ADARB2: variants seen among roughly 807,000 people sequenced by gnomAD.
ADARB2 encodes the protein adenosine deaminase RNA specific B2 (inactive).
In ADARB2, 25 loss-of-function variants were observed where a neutral mutation model predicts 62.2. The observed-to-expected ratio is 0.40, with a 90% CI of 0.29 to 0.56. The LOEUF is 0.56. ADARB2 is among the 20% of genes least tolerant of loss of function. ADARB2 has a pLI of 0.43. For synonymous variants in ADARB2, 572 were observed against 500.8 expected, an observed-to-expected ratio of 1.14 and a Z score of -1.90; for missense variants, 1,071 against 1,077.4, an observed-to-expected ratio of 0.99 and a Z score of 0.08.
chr10:1,413,929 A>G (rs1165105754), intron 1 of ADARB2, among the ~76,000 whole-genome samples: 2 of 152,208 alleles, frequency 1.3e-5, no homozygotes, highest in Non-Finnish European at 2.9e-5. Context: ...TTGTCTTGCA[A>G]TTGCAGGTCT....
chr10:1,564,454 A>G (rs1588304490), intron 1 of ADARB2, among the ~76,000 whole-genome samples: 2 of 152,318 alleles, frequency 1.3e-5, no homozygotes, highest in Admixed American at 1.3e-4. Context: ...AAAAGAAACT[A>G]CCATCAGAGT....
At chr10:1,423,075 C>A (rs1026959404) in intron 1 of ADARB2, among the ~76,000 whole-genome samples, 2 of 152,204 alleles carry the variant, frequency 1.3e-5, no homozygotes, top group African/African-American at 4.8e-5. Flanking sequence ...GCTTACATCA[C>A]TGAAGGGGAC....
intron 8 of ADARB2, among the ~76,000 whole-genome samples, chr10:1,189,664 A>G (rs570562945): frequency 1.3e-5 from 2 of 152,048 alleles, no homozygotes; most frequent in South Asian, 4.2e-4. Flanking sequence ...GGCCTGTCCC[A>G]CCCTGTTCCT....
rs368047792 is a variant in ADARB2, at chr10:1,598,144, G to A, written c.100+138907C>T. Among the ~76,000 whole-genome samples the A allele has an allele frequency of 1.1e-4, 17 of 152,330 alleles. No homozygotes were observed. The South Asian group carries it at 2.7e-3, about 24-fold the overall frequency. On this transcript the variant is annotated intron_variant, in intron 1 of 9. Coordinates refer to ENST00000381312, the MANE Select transcript of ADARB2 (RefSeq NM_018702.4). Reference sequence around the variant, plus strand: ...AGGCAGAGGGCAGAGGTGGGGGCATGAGCTGAAATGTCACCTGCTGGGTGC... The same window carrying A: ...AGGCAGAGGGCAGAGGTGGGGGCATAAGCTGAAATGTCACCTGCTGGGTGC...
intron 1 of ADARB2, among the ~76,000 whole-genome samples, chr10:1,493,793 C>G (rs1207096924): frequency 9.0e-6 from 1 of 111,154 alleles, no homozygotes; most frequent in Non-Finnish European, 1.7e-5. Context: ...GGGTCTCGCT[C>G]TTTCACCCAG....
chr10:1,259,617 G>C (rs1310782999), intron 4 of ADARB2, among the ~76,000 whole-genome samples: 4 of 152,162 alleles, frequency 2.6e-5, no homozygotes, highest in Non-Finnish European at 5.9e-5. Context: ...TTGAATCTCT[G>C]AATAGACCAA....
At chr10:1,613,983 T>C (rs1293297410) in intron 1 of ADARB2, among the ~76,000 whole-genome samples, 2 of 152,226 alleles carry the variant, frequency 1.3e-5, no homozygotes, top group Non-Finnish European at 2.9e-5. Context: ...AATAACTTTG[T>C]TTGACTTGGT....
At chr10:1,545,582 G>A (rs1486981287) in intron 1 of ADARB2, among the ~76,000 whole-genome samples, 1 of 152,176 alleles carries the variant, frequency 6.6e-6, no homozygotes, top group Non-Finnish European at 1.5e-5. Flanking sequence ...TAAGGAAGAT[G>A]GCCTCGGTTA....
intron 7 of ADARB2, among the ~76,000 whole-genome samples, chr10:1,213,944 T>C (rs1021608054): frequency 1.3e-5 from 2 of 150,990 alleles, no homozygotes; most frequent in Non-Finnish European, 2.9e-5. Context: ...CCTGCTGGCA[T>C]CGCGTGGGTT....
At chr10:1,610,143 A>C (rs976220792) in intron 1 of ADARB2, among the ~76,000 whole-genome samples, 1 of 152,086 alleles carries the variant, frequency 6.6e-6, no homozygotes, top group African/African-American at 2.4e-5. Flanking sequence ...CACAGTGATA[A>C]ATGCTCCTAG....
At chr10:1,393,997 C>T (rs770471739) in intron 1 of ADARB2, among the ~76,000 whole-genome samples, 4 of 152,302 alleles carry the variant, frequency 2.6e-5, no homozygotes, top group Non-Finnish European at 5.9e-5. Flanking sequence ...ACATCATCCT[C>T]GTCCTTTCAG....
At chr10:1,637,965 G>A (rs2119053404) in intron 1 of ADARB2, among the ~76,000 whole-genome samples, 1 of 152,350 alleles carries the variant, frequency 6.6e-6, no homozygotes. Flanking sequence ...AGAATGAACA[G>A]TTGGAGCTGC....
At chr10:1,525,160 C>G (rs2676736) in intron 1 of ADARB2, among the ~76,000 whole-genome samples, 2,469 of 152,220 alleles carry the variant, frequency 0.016, 99 homozygotes, top group East Asian at 0.12. Context: ...AAAAAAAGGT[C>G]AGGTACCTGA....
chr10:1,498,439 A>G (rs1831720842), intron 1 of ADARB2, among the ~76,000 whole-genome samples: 1 of 152,024 alleles, frequency 6.6e-6, no homozygotes, highest in African/African-American at 2.4e-5. Flanking sequence ...AGGAAAAGAA[A>G]AGAAAACTAT....
chr10:1,195,424 G>A (rs914283376), intron 8 of ADARB2, among the ~76,000 whole-genome samples: 7 of 144,544 alleles, frequency 4.8e-5, no homozygotes, highest in Non-Finnish European at 1.0e-4. Context: ...TAAGATAAGG[G>A]TCTTTAGTCC....
rs557944603 is a variant in ADARB2 at position 1,351,775 on chromosome 10, T to C, written c.1077+11253A>G. On this transcript the variant is annotated intron_variant, in intron 3 of 9. Coordinates refer to ENST00000381312, the MANE Select transcript of ADARB2 (RefSeq NM_018702.4). ...TTAAAGTCTGTTATCACTCGCCTGC[T>C]ACAGCATGGCCTTTTAAAGCCTATA... 6.2e-4 allele frequency among the ~76,000 whole-genome samples: 94 copies of C among 152,244 alleles called. 1 individual carries two copies. Among genetic ancestry groups the C allele is most frequent in the African/African-American group, 2.1e-3 (86 of 41,500 alleles).
intron 6 of ADARB2, among the ~76,000 whole-genome samples, chr10:1,233,114 C>T (rs1344683583): frequency 4.6e-5 from 7 of 152,092 alleles, no homozygotes; most frequent in African/African-American, 7.3e-5. Context: ...CCCTGCCCTC[C>T]GACCCTGGCA....
intron 1 of ADARB2, among the ~76,000 whole-genome samples, chr10:1,547,836 A>C (rs1032621110): frequency 1.3e-5 from 2 of 151,592 alleles, no homozygotes; most frequent in African/African-American, 2.4e-5. Flanking sequence ...GGAGGGGGAG[A>C]TAGGCATTGG....
chr10:1,210,811 G>A (rs1461709811), intron 7 of ADARB2, among the ~76,000 whole-genome samples: 1 of 152,244 alleles, frequency 6.6e-6, no homozygotes, highest in Non-Finnish European at 1.5e-5. Flanking sequence ...AGATGGAAAG[G>A]TGGGGACAGT....
Sources: gnomAD v4.1 joint callset for allele counts (sites outside exome capture counted in the v4.1 genomes callset) on GRCh38, gnomAD v4.1.1 for gene constraint, MANE v1.5 for transcripts, NCBI Gene and HGNC (gene_info 2026-07-23, HGNC 2026-07-21) for gene names.